NREP: variants seen among roughly 807,000 people sequenced by gnomAD.
NREP encodes neuronal regeneration related protein, also known as neuronal regeneration-related protein.
A neutral mutation model predicts 8.6 loss-of-function variants in NREP; 5 were observed. The ratio of observed to expected loss-of-function variants is 0.58; its 90% CI spans 0.30 to 1.22. The LOEUF (loss-of-function observed/expected upper bound fraction) is 1.22, where lower values mean the gene tolerates loss of function less well. Among genes scored for constraint, NREP ranks in the 50% most tolerant of loss-of-function variants. The probability of loss-of-function intolerance (pLI) is 0.07; values close to 1 mark genes in which losing one functional copy is unlikely to be tolerated. For synonymous variants in NREP, 27 were observed against 28.0 expected (o/e 0.96, Z 0.11); for missense variants, 86 against 82.5 (o/e 1.04, Z -0.17).
chr5:111,904,394 T>C lies in NREP; in HGVS notation c.135+70880A>G, dbSNP rs985167869. ...GTTTAACTGGTCAGAAACTGTCAAG[T>C]ACTTCACCCATTCATCTTTCCTGTC... On this transcript the variant is annotated intron_variant, in intron 2 of 3. Transcript: ENST00000395634. 2.6e-5 allele frequency among the ~76,000 whole-genome samples: 4 copies of C among 152,270 alleles called. No individual in the cohort carries two copies. The South Asian group carries it at 8.3e-4, about 32-fold the overall frequency.
chr5:111,753,675 G>C (rs1750521287), intron 2 of NREP, among the ~76,000 whole-genome samples: 1 of 152,014 alleles, frequency 6.6e-6, no homozygotes, highest in South Asian at 2.1e-4. Context: ...TAACAGGAGA[G>C]CCATGCTTAT....
chr5:111,877,689 C>T (rs370261386), intron 2 of NREP, among the ~76,000 whole-genome samples: 1 of 152,200 alleles, frequency 6.6e-6, no homozygotes, highest in Non-Finnish European at 1.5e-5. Context: ...TGGAATCTCC[C>T]ATTCCTAAGC....
At chr5:111,738,576 A>G (rs1749364601) in intron 2 of NREP, 1 of 152,216 alleles carries the variant, frequency 6.6e-6, no homozygotes, top group Admixed American at 6.5e-5. Context: ...GAGTTCATGA[A>G]ATAGCTGCAA....
At chr5:111,930,985 G>T (rs558640307) in intron 2 of NREP, among the ~76,000 whole-genome samples, 1 of 152,188 alleles carries the variant, frequency 6.6e-6, no homozygotes, top group Admixed American at 6.5e-5. Context: ...ATCTATGTGG[G>T]GAACTAGCCT....
chr5:111,764,649 C>A (rs144224118), intron 2 of NREP, among the ~76,000 whole-genome samples: 26 of 152,296 alleles, frequency 1.7e-4, no homozygotes, highest in African/African-American at 6.3e-4. Flanking sequence ...GGGACACAGC[C>A]AAACTATATC....
chr5:111,810,892 A>G (rs1312824412), intron 2 of NREP, among the ~76,000 whole-genome samples: 1 of 152,194 alleles, frequency 6.6e-6, no homozygotes, highest in East Asian at 1.9e-4. Flanking sequence ...AATTCTTTCA[A>G]GTGCATTACA....
Position 111,735,308 on chromosome 5 carries a change from T to C in NREP, c.81+122A>G, listed in dbSNP as rs1025500948. 5.1e-6 allele frequency: 3 copies of C among 593,348 alleles called. No homozygotes were observed. The Admixed American group carries it at 8.2e-5, about 16-fold the overall frequency. The allele number at this position is 593,348 out of a possible 1,614,324, so 36.8% of individuals were successfully genotyped here. ...CATTATTTCCAAGGTCATCATAGTA[T>C]CAGATTAATGGATTGTTATAGCAGC... is the stretch of plus-strand genomic sequence containing the variant. On this transcript the variant is annotated intron_variant, in intron 3 of 3. Coordinates refer to ENST00000257435, the MANE Select transcript of NREP (RefSeq NM_004772.4).
chr5:111,879,601 A>G (rs1753997119), intron 2 of NREP, among the ~76,000 whole-genome samples: 1 of 152,208 alleles, frequency 6.6e-6, no homozygotes, highest in African/African-American at 2.4e-5. Context: ...GATCCCATGT[A>G]GTAGATGCTA....
intron 2 of NREP, among the ~76,000 whole-genome samples, chr5:111,908,310 G>T (rs1226278029): frequency 6.6e-6 from 1 of 151,754 alleles, no homozygotes; most frequent in Non-Finnish European, 1.5e-5. Flanking sequence ...TGATTCAGGG[G>T]GTATATGTGT....
chr5:111,776,494 C>G (rs532415919), intron 2 of NREP, among the ~76,000 whole-genome samples: 1 of 152,086 alleles, frequency 6.6e-6, no homozygotes, highest in Non-Finnish European at 1.5e-5. Context: ...ATGCATATAT[C>G]CACCAAAAGA....
chr5:111,731,085 T>C lies in NREP; in HGVS notation c.82-39A>G, dbSNP rs762404082. 5 of 1,598,600 alleles carry C rather than the reference T, an allele frequency of 3.1e-6. No individual in the cohort carries two copies. The South Asian group carries it at 5.6e-5, about 18-fold the overall frequency. On this transcript the variant is annotated intron_variant, in intron 3 of 3. Transcript: ENST00000257435. ...AGACCCACACACAGACAGACACACA[T>C]AAAAGACAAAATTAGTCATGCTTCT...
intron 2 of NREP, among the ~76,000 whole-genome samples, chr5:111,883,533 C>A (rs1754146060): frequency 2.0e-5 from 3 of 152,144 alleles, no homozygotes; most frequent in African/African-American, 7.2e-5. Context: ...TTTTTCAGCA[C>A]CACACCACAC....
At chr5:111,869,148 C>T (rs1180411692) in intron 2 of NREP, among the ~76,000 whole-genome samples, 2 of 152,146 alleles carry the variant, frequency 1.3e-5, no homozygotes, top group African/African-American at 4.8e-5. Context: ...AGTCTGTATG[C>T]AAGTGCTTAT....
At chr5:111,814,651 T>C (rs1337853195) in intron 2 of NREP, among the ~76,000 whole-genome samples, 1 of 152,142 alleles carries the variant, frequency 6.6e-6, no homozygotes, top group Non-Finnish European at 1.5e-5. Context: ...TGAGGACTTT[T>C]AGGGGGTATT....
At chr5:111,944,691 A>G (rs971977618) in intron 2 of NREP, among the ~76,000 whole-genome samples, 13 of 152,090 alleles carry the variant, frequency 8.5e-5, no homozygotes, top group African/African-American at 3.1e-4. Context: ...TCTTGACTCA[A>G]TTCTGGCCCA....
intron 2 of NREP, among the ~76,000 whole-genome samples, chr5:111,803,759 C>T (rs1218193493): frequency 6.6e-6 from 1 of 151,568 alleles, no homozygotes; most frequent in Admixed American, 6.6e-5. Flanking sequence ...GTTGTATATC[C>T]CTTACAGAGA....
At chr5:111,899,780 A>G (rs1188029405) in intron 2 of NREP, among the ~76,000 whole-genome samples, 2 of 152,220 alleles carry the variant, frequency 1.3e-5, no homozygotes, top group Non-Finnish European at 2.9e-5. Context: ...ACCAAAATAT[A>G]TATGCACCCA....
intron 2 of NREP, among the ~76,000 whole-genome samples, chr5:111,945,082 G>C (rs1755938950): frequency 6.6e-6 from 1 of 151,938 alleles, no homozygotes; most frequent in African/African-American, 2.4e-5. Flanking sequence ...CTTCCTTGAA[G>C]GTTTGGACAA....
In NREP at chr5:111,773,140, T is replaced by G. The variant is rs567210707; in HGVS notation, c.136-37633A>C. The stretch of plus-strand genomic sequence containing the variant: ...TCATTCAATTCTCTGAGCCTTTTTT[T>G]TTAAATTTTTTTTTAAACTACTGTC... On this transcript the variant is annotated intron_variant, in intron 2 of 3. Coordinates refer to the NREP transcript ENST00000395634. Among the ~76,000 whole-genome samples, 4 of 152,272 alleles carry G rather than the reference T, an allele frequency of 2.6e-5. No individual in the cohort carries two copies. The East Asian group carries it at 7.7e-4, about 29-fold the overall frequency.
Sources: gnomAD v4.1 joint callset for allele counts (sites outside exome capture counted in the v4.1 genomes callset) on GRCh38, gnomAD v4.1.1 for gene constraint, MANE v1.5 for transcripts, NCBI Gene and HGNC (gene_info 2026-07-23, HGNC 2026-07-21) for gene names.